Variants in STKLD1 observed in about 807,000 individuals in gnomAD.
STKLD1 encodes serine/threonine kinase-like domain-containing protein STKLD1.
Under a neutral mutation model 80.4 loss-of-function variants are expected in STKLD1, and 79 were observed. The ratio of observed to expected loss-of-function variants is 0.98; its 90% confidence interval spans 0.82 to 1.19. The LOEUF (loss-of-function observed/expected upper bound fraction) is 1.19, where lower values mean the gene tolerates loss of function less well. Among genes scored for constraint, STKLD1 ranks in the 50% most tolerant of loss-of-function variants. STKLD1 has a pLI of 0.00. For synonymous variants in STKLD1, 393 were observed against 357.6 expected (o/e 1.10, Z -1.12); for missense variants, 841 against 856.0 (o/e 0.98, Z 0.22).
intron 14 of STKLD1, among the ~76,000 whole-genome samples, chr9:133,403,345 G>GC (rs5901014): frequency 1.0e-5 from 1 of 96,940 alleles, no homozygotes; most frequent in Non-Finnish European, 2.0e-5. Context: ...CAGCGGTGGT[G>GC]TGGTGCTGGA....
intron 7 of STKLD1, among the ~76,000 whole-genome samples, chr9:133,392,691 G>GATGGATGGA (rs1838435421): frequency 3.8e-5 from 4 of 106,068 alleles, no homozygotes; most frequent in African/African-American, 1.8e-4. Flanking sequence ...GGGTGAGTAG[G>GATGGATGGA]TGAGTGGATG....
At position 133,377,052 on chromosome 9, in the gene STKLD1, A is replaced by G. The variant is rs1837989480; in HGVS notation, c.87+492A>G. 1.3e-5 allele frequency among the ~76,000 whole-genome samples: 2 copies of G among 152,236 alleles called. 1 individual carries two copies. Among genetic ancestry groups the G allele is most frequent in the African/African-American group, 4.8e-5 (2 of 41,456 alleles). ...TGATATATACACTTTATTAAATGTT[A>G]GATTCAGCATTTGTGAAAAATGCAT... On this transcript the variant is annotated intron_variant, in intron 1 of 17. Transcript: ENST00000371957.
Position 133,394,469 on chromosome 9 carries a change from G to A in STKLD1, c.702+60G>A, listed in dbSNP as rs1385572529. ...TGTTCCCCACGCGCCCAGGCCTGGG[G>A]AAAAGGCTTGGCCTCACCCTGCCTC... is the stretch of plus-strand genomic sequence containing the variant. On this transcript the variant is annotated intron_variant, in intron 8 of 17. Transcript: ENST00000371957. The surrounding 1 kb of genome is among the most constrained non-coding windows in gnomAD (Gnocchi z 4.9). 2 of 1,290,942 alleles carry A rather than the reference G, an allele frequency of 1.5e-6. No homozygotes were observed. The highest frequency in any genetic ancestry group is 2.3e-6 in the Non-Finnish European group (2 of 888,392). 80.0% of individuals were successfully genotyped at this position (1,290,942 alleles called of 1,614,324 possible).
intron 14 of STKLD1, 91 bp from the exon 15 acceptor site, chr9:133,403,609 G>A: frequency 6.7e-7 from 1 of 1,502,140 alleles, no homozygotes; most frequent in Non-Finnish European, 9.0e-7. Context: ...GTTGTCGTTA[G>A]CTGGAGGAAG....
In STKLD1 at chr9:133,405,552, A is replaced by C; in HGVS notation, c.*131A>C. 2.2e-6 allele frequency: 2 copies of C among 897,064 alleles called. No homozygotes were observed. Among genetic ancestry groups the C allele is most frequent in the Non-Finnish European group, 3.2e-6 (2 of 620,734 alleles). 55.6% of individuals were successfully genotyped at this position (897,064 alleles called of 1,614,324 possible). On this transcript the variant is annotated 3_prime_UTR_variant, in exon 18 of 18. Transcript: ENST00000371957. ...ACGGGAGGGGTAATCAGACCTCTCC[A>C]AAGAGTTTCCTGTCCATGACTGCTG... is the stretch of plus-strand genomic sequence containing the variant.
At chr9:133,383,051 AGTG>A (rs1838178849) in intron 2 of STKLD1, among the ~76,000 whole-genome samples, 1 of 138,456 alleles carries the variant, frequency 7.2e-6, no homozygotes, top group African/African-American at 2.8e-5. Flanking sequence ...TGGGGATAAT[AGTG>A]GTGATGGTGA....
chr9:133,395,221 G>A (rs186482228), intron 8 of STKLD1, among the ~76,000 whole-genome samples: 32 of 152,286 alleles, frequency 2.1e-4, no homozygotes, highest in Admixed American at 1.4e-3. Context: ...AGGGAAATGA[G>A]AGCCTTCCCA....
Position 133,403,701 on chromosome 9 carries a change from T to C in STKLD1, c.1476T>C (p.Gly492=), listed in dbSNP as rs1554778122. 3 of 1,613,082 alleles carry C rather than the reference T, an allele frequency of 1.9e-6. No homozygotes were observed. The highest frequency in any genetic ancestry group is 1.7e-5 in the Admixed American group (1 of 59,986). ...LGLLWALLLD[G]IIVNKAPLEK... ...CTTCCATCCCTGTCCTCGTTCCAGG[T>C]ATCATTGTGAACAAGGCCCCCTTGG... The change falls in exon 15 of 18, where the codon GGT becomes GGC. Residue 492 remains glycine, a splice_region_variant and synonymous_variant. Transcript: ENST00000371957.
chr9:133,398,208 C>T (rs1307857733), intron 11 of STKLD1, among the ~76,000 whole-genome samples, 153 bp downstream of exon 11: 1 of 152,156 alleles, frequency 6.6e-6, no homozygotes, highest in African/African-American at 2.4e-5. Context: ...CCAGAAGAGT[C>T]CCGTGTCTCT....
rs1239926454 is a variant in STKLD1, at chr9:133,389,449, G to A, written c.397-77G>A. 1.1e-5 allele frequency: 17 copies of A among 1,569,736 alleles called. No homozygotes were observed. The highest frequency in any genetic ancestry group is 1.4e-5 in the Non-Finnish European group (16 of 1,157,708). ...GGAGAGGATACACCACCATCCTGCTGGCTGCTCTGAGTGTCACCCCCCTGA... is the reference window on the plus strand; with the variant it reads ...GGAGAGGATACACCACCATCCTGCTAGCTGCTCTGAGTGTCACCCCCCTGA... On this transcript the variant is annotated intron_variant, in intron 5 of 17. Transcript: ENST00000371957. The surrounding 1 kb of genome is among the most constrained non-coding windows in gnomAD (Gnocchi z 6.4).
chr9:133,392,778 G>GGT, intron 7 of STKLD1, among the ~76,000 whole-genome samples: 1 of 95,598 alleles, frequency 1.0e-5, no homozygotes, highest in East Asian at 3.0e-4. Context: ...TGGGTGGGTG[G>GGT]GCAGGTGGGT....
In STKLD1 at chr9:133,376,561, G is replaced by T; in HGVS notation, c.87+1G>T. The T allele has an allele frequency of 6.3e-7, 1 of 1,592,574 alleles. No homozygotes were observed. ...CGGAGAGCCCATGGAGAAGTACCAG[G>T]TGCCGAGTGTTCCCTGCGGGGAGGC... On this transcript the variant is annotated splice_donor_variant, in intron 1 of 17. Coordinates refer to ENST00000371957, the MANE Select transcript of STKLD1 (RefSeq NM_153710.5). LOFTEE classifies it high-confidence loss of function.
rs782172377 is a variant in STKLD1, at chr9:133,397,213, GTC to G, written c.922_923del (p.Leu308AspfsTer72). 6.2e-7 allele frequency: 1 copy of G among 1,613,952 alleles called. No homozygotes were observed. Among genetic ancestry groups the G allele is most frequent in the African/African-American group, 1.3e-5 (1 of 75,030 alleles). ...FLRGSFKSSC[V>X]SLTLHRQMVP... The stretch of plus-strand genomic sequence containing the variant: ...GAGAGGCTCCTTCAAGTCCTCGTGC[GTC>G]TCTCTGACCCTGCACCGGCAGATGG... On this transcript the variant is annotated frameshift_variant, in exon 10 of 18. Transcript: ENST00000371957. LOFTEE classifies it high-confidence loss of function.
At chr9:133,392,242 A>G (rs1296189916) in intron 7 of STKLD1, among the ~76,000 whole-genome samples, 1 of 151,820 alleles carries the variant, frequency 6.6e-6, no homozygotes, top group Non-Finnish European at 1.5e-5. Context: ...GGGCCCAGCT[A>G]ATTTTTTGTA....
chr9:133,386,953 A>G (rs887822453), intron 4 of STKLD1, among the ~76,000 whole-genome samples: 2 of 152,064 alleles, frequency 1.3e-5, no homozygotes, highest in Non-Finnish European at 2.9e-5. Flanking sequence ...TGCACTCCCA[A>G]AGATTTTCTG....
At position 133,394,141 on chromosome 9, in the gene STKLD1, T is replaced by C. The variant is rs1297768952; in HGVS notation, c.584-150T>C. On this transcript the variant is annotated intron_variant, in intron 7 of 17. Transcript: ENST00000371957. This position sits in a 1 kb window ranked among gnomAD's most constrained non-coding sequence, Gnocchi z 4.9. ...CTCCCCACAGTTAATATTCTCCACC[T>C]CTTCTGAGAAGAGGACCTGCAGGGC... is the stretch of plus-strand genomic sequence containing the variant. 12 of 667,194 alleles carry C rather than the reference T, an allele frequency of 1.8e-5. No individual in the cohort carries two copies. The highest frequency in any genetic ancestry group is 3.3e-5 in the Non-Finnish European group (12 of 366,910). 41.3% of individuals were successfully genotyped at this position (667,194 alleles called of 1,614,324 possible). A position where few individuals can be genotyped will look rare whatever the true frequency, so the allele number is the denominator to read the frequency against.
At chr9:133,387,375 C>T in intron 4 of STKLD1, 72 bp from the exon 5 acceptor site, 1 of 1,263,652 alleles carries the variant, frequency 7.9e-7, no homozygotes, top group South Asian at 1.2e-5. Flanking sequence ...GCAGGGAGGC[C>T]CTGGAGCAGG....
chr9:133,401,937 T>A (rs186805420), intron 13 of STKLD1, 59 bp downstream of exon 13: 2 of 1,593,134 alleles, frequency 1.3e-6, no homozygotes, highest in Admixed American at 3.4e-5. Flanking sequence ...TTCCCAGGGG[T>A]CTTGGAAGGG....
chr9:133,386,876 C>T (rs953504720), intron 4 of STKLD1, among the ~76,000 whole-genome samples: 5 of 152,212 alleles, frequency 3.3e-5, no homozygotes, highest in Non-Finnish European at 5.9e-5. Context: ...ATCCCGGGTC[C>T]GAGCAGGAAA....
Sources: allele counts gnomAD v4.1 joint callset (sites outside exome capture counted in the v4.1 genomes callset), GRCh38; gene constraint gnomAD v4.1.1; non-coding constraint Gnocchi (gnomAD v3.1); transcripts MANE v1.5; gene names NCBI Gene and HGNC (gene_info 2026-07-23, HGNC 2026-07-21).